TMEM230: variants seen among roughly 807,000 people sequenced by gnomAD.
TMEM230 encodes transmembrane protein 230.
Under a neutral mutation model 15.8 loss-of-function variants are expected in TMEM230, and 10 were observed. The observed-to-expected ratio is 0.63, with a 90% CI of 0.39 to 1.07. The LOEUF is 1.07. Ranked by LOEUF, TMEM230 falls within the 50% of genes least tolerant of loss-of-function variation. The pLI is 0.01. For synonymous variants in TMEM230, 67 were observed against 76.9 expected (o/e 0.87, Z 0.68); for missense variants, 165 against 193.3 (o/e 0.85, Z 0.87).
At position 5,113,017 on chromosome 20, in the gene TMEM230, C is replaced by T. The variant is rs775394623; in HGVS notation, c.12G>A (p.Trp4Ter). The T allele has an allele frequency of 5.7e-5, 89 of 1,548,960 alleles. No homozygotes were observed. In the South Asian group the frequency reaches 1.1e-3, roughly 18 times the overall value. The change falls in exon 1 of 5, where the codon TGG becomes TGA. Residue 4 changes from tryptophan (W) to a stop codon, truncating the protein, a stop_gained. The change creates a premature stop within an existing upstream ORF in the 5' untranslated region. Coordinates refer to ENST00000342308, the MANE Select transcript of TMEM230 (RefSeq NM_001009923.2). LOFTEE classifies it high-confidence loss of function. ...AGAGCTCGCCCACGGTTGGCAGCGC[C>T]CAAGGTTGCATGGCATGGCCCGCTT...
At chr20:5,059,759 G>A in the TMEM230 span, among the ~76,000 whole-genome samples, 1 of 129,190 alleles carries the variant, frequency 7.7e-6, no homozygotes, top group Non-Finnish European at 1.6e-5. Context: ...ACCACTTCCA[G>A]CTAATTTTTT....
At chr20:5,104,456 A>G (rs1436622679) in intron 4 of TMEM230, among the ~76,000 whole-genome samples, 1 of 152,262 alleles carries the variant, frequency 6.6e-6, no homozygotes, top group Non-Finnish European at 1.5e-5. Context: ...AATGTAAATT[A>G]GTATAGCCAC....
chr20:5,107,829 A>AG (rs36015021), intron 3 of TMEM230, among the ~76,000 whole-genome samples: 2,635 of 143,250 alleles, frequency 0.018, 86 homozygotes, highest in African/African-American at 0.063. Context: ...AAAAAAAAAA[A>AG]GGCTGGGCGC....
chr20:5,064,498 C>T (rs1178458561), downstream of TMEM230, among the ~76,000 whole-genome samples: 1 of 151,986 alleles, frequency 6.6e-6, no homozygotes, highest in Non-Finnish European at 1.5e-5. Context: ...ATCGCTTGAA[C>T]CCAGGAGGTG....
At chr20:5,087,696 CTTTTTTT>C (rs561757286) in intron 3 of TMEM230, among the ~76,000 whole-genome samples, 51 of 99,544 alleles carry the variant, frequency 5.1e-4, no homozygotes, top group Non-Finnish European at 8.1e-4. Context: ...GAAAGTATGG[CTTTTTTT>C]TTTTTTTTTT....
intron 4 of TMEM230, 102 bp downstream of exon 3, chr20:5,106,086 C>CGG: frequency 8.5e-7 from 1 of 1,180,714 alleles, no homozygotes; most frequent in South Asian, 1.8e-5. Flanking sequence ...CAAACACACA[C>CGG]ACACACACAC....
At chr20:5,066,322 G>A (rs1600251533), downstream of TMEM230, 1 of 152,272 alleles carries the variant, frequency 6.6e-6, no homozygotes, top group South Asian at 2.1e-4. Context: ...GAGTTCTGGA[G>A]CATCCCAGAA....
intron 3 of TMEM230, among the ~76,000 whole-genome samples, chr20:5,086,898 A>G (rs970242374): frequency 5.9e-5 from 9 of 151,808 alleles, no homozygotes; most frequent in Non-Finnish European, 8.8e-5. Context: ...TTTTTGACAC[A>G]GAGTCCCACT....
downstream of TMEM230, chr20:5,067,409 T>TTATATA (rs1198250490): frequency 8.1e-5 from 6 of 73,812 alleles, no homozygotes; most frequent in South Asian, 4.6e-4. Context: ...GTGTTTAGGC[T>TTATATA]CATATATATA....
rs576334509 is a variant in TMEM230, at chr20:5,087,846, C to A, written c.222+18342G>T. Among the ~76,000 whole-genome samples, 5 of 149,778 alleles carry A rather than the reference C, an allele frequency of 3.3e-5. No homozygotes were observed. The East Asian group carries it at 1.1e-3, about 32-fold the overall frequency. On this transcript the variant is annotated intron_variant, in intron 3 of 3. Transcript: ENST00000612323. ...TAGCTGGGATTACAGGCGTGTACCA[C>A]CACGCCTGGCTAATTTTTATATTTG...
Position 5,111,605 on chromosome 20 carries a change from TCTAAAAAAAAAAAAAAAAAAAAAA to T in TMEM230, c.69-24_69-1del. On this transcript the variant is annotated splice_acceptor_variant and splice_polypyrimidine_tract_variant and intron_variant, in intron 1 of 4. Coordinates refer to ENST00000342308, the MANE Select transcript of TMEM230 (RefSeq NM_001009923.2). LOFTEE classifies it high-confidence loss of function. ...GCCTGGGCGACAGAACTAGACTCCA[TCTAAAAAAAAAAAAAAAAAAAAAA>T]AAAAAAAAAAAAAAAAAATTCAGTA... is the stretch of plus-strand genomic sequence containing the variant. 2.6e-5 allele frequency: 1 copy of T among 38,112 alleles called. No homozygotes were observed. 2.4% of individuals were successfully genotyped at this position (38,112 alleles called of 1,614,324 possible). A position where few individuals can be genotyped will look rare whatever the true frequency, so the allele number is the denominator to read the frequency against.
At chr20:5,079,255 C>T (rs191839094) in intron 3 of TMEM230, among the ~76,000 whole-genome samples, 29 of 152,184 alleles carry the variant, frequency 1.9e-4, no homozygotes, top group African/African-American at 4.8e-4. Context: ...TTCTGAGTAG[C>T]GGGACTACAG....
At chr20:5,069,182 C>A (rs999932870) in exon 4 of TMEM230, 2 of 1,521,606 alleles carry the variant, frequency 1.3e-6, no homozygotes, top group Admixed American at 2.2e-5. Flanking sequence ...ATTAGAGGCA[C>A]CAACCTCAGT....
chr20:5,063,192 C>T, the TMEM230 span, among the ~76,000 whole-genome samples: 2 of 151,454 alleles, frequency 1.3e-5, no homozygotes, highest in African/African-American at 4.9e-5. Flanking sequence ...CTTAAGAAGG[C>T]CCCAGAGGAC....
chr20:5,113,040 C>T lies in TMEM230; in HGVS notation c.-12G>A, dbSNP rs765359096. ...GCCCAAGGTTGCATGGCATGGCCCG[C>T]TTAAGTGCCACTCAGCCGGCCCCAG... On this transcript the variant is annotated 5_prime_UTR_variant, in exon 1 of 5. Transcript: ENST00000342308. 1 of 1,545,486 alleles carries T rather than the reference C, an allele frequency of 6.5e-7. No homozygotes were observed. The highest frequency in any genetic ancestry group is 1.2e-5 in the South Asian group (1 of 83,998).
chr20:5,084,080 C>A (rs1056010314), intron 3 of TMEM230, among the ~76,000 whole-genome samples: 3 of 152,044 alleles, frequency 2.0e-5, no homozygotes, highest in African/African-American at 7.3e-5. Context: ...GAAGGTTTAG[C>A]TCCTGCTTGT....
At chr20:5,110,945 G>A (rs2090288496) in intron 2 of TMEM230, 1 of 152,170 alleles carries the variant, frequency 6.6e-6, no homozygotes, top group African/African-American at 2.4e-5. Flanking sequence ...ACTTTGGGAG[G>A]CTGAGGTGGG....
intron 3 of TMEM230, chr20:5,069,366 C>A: frequency 6.6e-7 from 1 of 1,521,284 alleles, no homozygotes. Context: ...AAGAAACACC[C>A]CTTCTCAATT....
Position 5,106,078 on chromosome 20 carries a change from A to AACAC in TMEM230, c.411+106_411+109dup, listed in dbSNP as rs61087830. 24,442 of 544,376 alleles carry AACAC rather than the reference A, an allele frequency of 0.045. 255 individuals carry two copies. The highest frequency in any genetic ancestry group is 0.074 in the East Asian group (1,415 of 19,202). 33.7% of individuals were successfully genotyped at this position (544,376 alleles called of 1,614,324 possible). On this transcript the variant is annotated intron_variant, in intron 4 of 4. Coordinates refer to ENST00000342308, the MANE Select transcript of TMEM230 (RefSeq NM_001009923.2). ...AAAAAACAGACCACTGGGACGGACA[A>AACAC]ACACACACACACACACACACACACA...
Sources: allele counts gnomAD v4.1 joint callset (sites outside exome capture counted in the v4.1 genomes callset), GRCh38; gene constraint gnomAD v4.1.1; transcripts MANE v1.5; gene names NCBI Gene and HGNC (gene_info 2026-07-23, HGNC 2026-07-21).